Variants in SRGAP1 observed in about 807,000 individuals in gnomAD.
The protein encoded by SRGAP1 is SLIT-ROBO Rho GTPase activating protein 1, also known as SLIT-ROBO Rho GTPase-activating protein 1.
Under a neutral mutation model 121.9 loss-of-function variants are expected in SRGAP1, and 43 were observed. The observed-to-expected ratio is 0.35, with a 90% CI of 0.28 to 0.46. SRGAP1 has a LOEUF of 0.46. SRGAP1 is among the 20% of genes least tolerant of loss of function. The pLI is 1.00. For missense variants in SRGAP1, 1,102 were observed against 1,350.9 expected, an observed-to-expected ratio of 0.82 and a Z score of 2.89; for synonymous variants, 447 against 485.4, an observed-to-expected ratio of 0.92 and a Z score of 1.04.
intron 1 of SRGAP1, among the ~76,000 whole-genome samples, chr12:63,929,070 T>A (rs951992389): frequency 6.6e-6 from 1 of 152,086 alleles, no homozygotes; most frequent in East Asian, 1.9e-4. Context: ...GGCCTGGGGG[T>A]TGGGGACCCC....
Position 64,155,848 on chromosome 12 carries a change from T to C in SRGAP1, c.*13176T>C, listed in dbSNP as rs1462107503. ...CGGGGTTTCGCCATGTTGGCCAGGC[T>C]GGTCTTGAACTCCTGACCTCAGGTG... On this transcript the variant is annotated 3_prime_UTR_variant, in exon 22 of 22. Transcript: ENST00000355086. 1 of 152,184 alleles carries C rather than the reference T, an allele frequency of 6.6e-6. No individual in the cohort carries two copies. The highest frequency in any genetic ancestry group is 2.4e-5 in the African/African-American group (1 of 41,436). The allele number at this position is 152,184 out of a possible 1,614,324, so 9.4% of individuals were successfully genotyped here. A position where few individuals can be genotyped will look rare whatever the true frequency, so the allele number is the denominator to read the frequency against.
rs1284821943 is a variant in SRGAP1 at position 64,151,532 on chromosome 12, A to G, written c.*8860A>G. 3.9e-5 allele frequency: 6 copies of G among 152,200 alleles called. No individual in the cohort carries two copies. The highest frequency in any genetic ancestry group is 8.8e-5 in the Non-Finnish European group (6 of 68,040). 9.4% of individuals were successfully genotyped at this position (152,200 alleles called of 1,614,324 possible). A position where few individuals can be genotyped will look rare whatever the true frequency, so the allele number is the denominator to read the frequency against. ...CCAAAAAGTGAAATCACTGGGTCAG[A>G]GGATGCAATTATCTGTAAGGCTCAT... On this transcript the variant is annotated 3_prime_UTR_variant, in exon 22 of 22. Transcript: ENST00000355086.
chr12:64,021,956 G>A (rs1715631302), intron 4 of SRGAP1, among the ~76,000 whole-genome samples: 1 of 152,184 alleles, frequency 6.6e-6, no homozygotes, highest in African/African-American at 2.4e-5. Context: ...GATAGAATTA[G>A]CAAGTTTGGG....
At chr12:63,930,849 A>T (rs1205729194) in intron 1 of SRGAP1, among the ~76,000 whole-genome samples, 1 of 152,220 alleles carries the variant, frequency 6.6e-6, no homozygotes, top group Non-Finnish European at 1.5e-5. Flanking sequence ...CTATTTTTAC[A>T]TTAAAAGATG....
intron 6 of SRGAP1, among the ~76,000 whole-genome samples, chr12:64,044,615 A>C (rs1315046551): frequency 6.7e-6 from 1 of 148,842 alleles, no homozygotes; most frequent in African/African-American, 2.5e-5. Context: ...TGGGATTTCT[A>C]CAAAAGAATT....
intron 1 of SRGAP1, among the ~76,000 whole-genome samples, chr12:63,926,166 C>T (rs1191374902): frequency 6.6e-6 from 1 of 152,126 alleles, no homozygotes; most frequent in Non-Finnish European, 1.5e-5. Flanking sequence ...TTCTTTCTTC[C>T]TCACACCATC....
At chr12:64,121,539 GC>G (rs1437554648) in intron 18 of SRGAP1, among the ~76,000 whole-genome samples, 1 of 152,070 alleles carries the variant, frequency 6.6e-6, no homozygotes, top group Non-Finnish European at 1.5e-5. Flanking sequence ...GCAGGCGTGA[GC>G]CACCATGCCC....
At chr12:63,857,890 G>C (rs929268363) in intron 1 of SRGAP1, among the ~76,000 whole-genome samples, 4 of 152,218 alleles carry the variant, frequency 2.6e-5, no homozygotes, top group African/African-American at 9.6e-5. Context: ...TGGCATTCTT[G>C]TTTTCCATTG....
chr12:64,092,523 C>T (rs1475213759), intron 12 of SRGAP1, among the ~76,000 whole-genome samples: 1 of 152,004 alleles, frequency 6.6e-6, no homozygotes, highest in African/African-American at 2.4e-5. Flanking sequence ...GATTAAAAAC[C>T]TCTGGCAGCC....
At chr12:63,861,516 C>A (rs1408198157) in intron 1 of SRGAP1, among the ~76,000 whole-genome samples, 1 of 151,978 alleles carries the variant, frequency 6.6e-6, no homozygotes, top group African/African-American at 2.4e-5. Context: ...CCAGGCTGGC[C>A]TTGAACTCCT....
chr12:64,152,856 G>A lies in SRGAP1; in HGVS notation c.*10184G>A, dbSNP rs1331460394. The A allele has an allele frequency of 7.0e-6, 1 of 142,648 alleles. No homozygotes were observed. The highest frequency in any genetic ancestry group is 1.5e-5 in the Non-Finnish European group (1 of 66,386). 8.8% of individuals were successfully genotyped at this position (142,648 alleles called of 1,614,324 possible). On this transcript the variant is annotated 3_prime_UTR_variant, in exon 22 of 22. Coordinates refer to ENST00000355086, the MANE Select transcript of SRGAP1 (RefSeq NM_020762.4). Reference sequence around the variant, plus strand: ...CAGGCTCCCTTCCGGGGATCTAGCTGTGAATGAGACACACAGGGCTCCTGG... The same window carrying A: ...CAGGCTCCCTTCCGGGGATCTAGCTATGAATGAGACACACAGGGCTCCTGG...
intron 6 of SRGAP1, among the ~76,000 whole-genome samples, chr12:64,059,054 A>G (rs1239231847): frequency 1.3e-5 from 2 of 152,112 alleles, no homozygotes; most frequent in African/African-American, 4.8e-5. Context: ...TCCTAAGGGT[A>G]GCACTCAAAG....
At chr12:64,074,145 G>A (rs2035692515) in intron 8 of SRGAP1, among the ~76,000 whole-genome samples, 1 of 152,176 alleles carries the variant, frequency 6.6e-6, no homozygotes, top group Non-Finnish European at 1.5e-5. Flanking sequence ...TGCTACTGCT[G>A]TTGCTTAAAT....
At chr12:64,104,500 G>C (rs2036308172) in intron 15 of SRGAP1, among the ~76,000 whole-genome samples, 1 of 152,204 alleles carries the variant, frequency 6.6e-6, no homozygotes, top group South Asian at 2.1e-4. Context: ...GCCACACTCA[G>C]AGCCAGCTAG....
chr12:63,897,428 C>G (rs1260829647), intron 1 of SRGAP1, among the ~76,000 whole-genome samples: 1 of 152,162 alleles, frequency 6.6e-6, no homozygotes, highest in Non-Finnish European at 1.5e-5. Context: ...TTTCAACTTT[C>G]CTACTCTTTC....
At position 63,904,122 on chromosome 12, in the gene SRGAP1, T is replaced by G. The variant is rs912709730; in HGVS notation, c.67+59239T>G. On this transcript the variant is annotated intron_variant, in intron 1 of 21. Transcript: ENST00000355086. The stretch of plus-strand genomic sequence containing the variant: ...CCGAGATAACTCCCACCCTGAATTT[T>G]GCACTAATTATTTGTGACTGAGATT... Among the ~76,000 whole-genome samples the G allele has an allele frequency of 2.6e-5, 4 of 152,164 alleles. No individual in the cohort carries two copies. In the East Asian group the frequency reaches 7.7e-4, roughly 29 times the overall value.
chr12:64,080,698 C>T (rs1275372937), intron 10 of SRGAP1: 2 of 394,774 alleles, frequency 5.1e-6, no homozygotes, highest in Non-Finnish European at 4.8e-6. Flanking sequence ...GCTGACCCCC[C>T]AGTCTCTTCT....
At chr12:63,864,323 T>C (rs1353308900) in intron 1 of SRGAP1, among the ~76,000 whole-genome samples, 1 of 152,198 alleles carries the variant, frequency 6.6e-6, no homozygotes, top group Non-Finnish European at 1.5e-5. Flanking sequence ...TGGTTATTCA[T>C]CTTTTGGGTA....
At chr12:63,937,226 T>C (rs944546900) in intron 1 of SRGAP1, among the ~76,000 whole-genome samples, 1 of 152,150 alleles carries the variant, frequency 6.6e-6, no homozygotes, top group African/African-American at 2.4e-5. Flanking sequence ...ACCTAAGAAT[T>C]CCAGGCTAGA....
Sources: gnomAD v4.1 joint callset for allele counts (sites outside exome capture counted in the v4.1 genomes callset) on GRCh38, gnomAD v4.1.1 for gene constraint, MANE v1.5 for transcripts, NCBI Gene and HGNC (gene_info 2026-07-23, HGNC 2026-07-21) for gene names.